LRTM3: variants seen among roughly 807,000 people sequenced by gnomAD.
LRTM3 encodes leucine rich repeat transmembrane protein 3.
chr13:102,755,840 AAT>A, the LRTM3 span, among the ~76,000 whole-genome samples: 20 of 150,990 alleles, frequency 1.3e-4, no homozygotes, highest in African/African-American at 2.4e-4. Flanking sequence ...AAAATAAAAA[AAT>A]ACTATGTTCA....
chr13:102,734,024 G>C, the LRTM3 span: 1 of 1,551,428 alleles, frequency 6.4e-7, no homozygotes, highest in Non-Finnish European at 8.7e-7. Flanking sequence ...AGGAGGTGCT[G>C]ACGGTATAGA....
chr13:102,748,835 G>C, the LRTM3 span: 6 of 1,550,320 alleles, frequency 3.9e-6, no homozygotes, highest in Non-Finnish European at 5.2e-6. Flanking sequence ...TAACATTTTT[G>C]GTGAAATGTT....
At chr13:102,743,170 A>G in the LRTM3 span, 6 of 1,550,440 alleles carry the variant, frequency 3.9e-6, no homozygotes, top group South Asian at 2.4e-5. Flanking sequence ...CACTTTCTCT[A>G]TCATGTAGTT....
At chr13:102,731,812 C>G in the LRTM3 span, 13 of 1,549,928 alleles carry the variant, frequency 8.4e-6, no homozygotes, top group Non-Finnish European at 1.1e-5. Flanking sequence ...CTGGTTCACT[C>G]TGATCCCTTT....
At chr13:102,729,803 G>T in the LRTM3 span, 5 of 1,551,810 alleles carry the variant, frequency 3.2e-6, no homozygotes, top group Non-Finnish European at 4.4e-6. Flanking sequence ...TTTGCTGTGT[G>T]TACAACTGTA....
At chr13:102,740,484 G>A in the LRTM3 span, 5 of 1,549,894 alleles carry the variant, frequency 3.2e-6, no homozygotes, top group South Asian at 6.0e-5. Context: ...CAAGATATAT[G>A]CTCCCAAAAG....
chr13:102,731,334 T>C, the LRTM3 span: 1 of 1,551,446 alleles, frequency 6.4e-7, no homozygotes, highest in Non-Finnish European at 8.7e-7. Flanking sequence ...CTCCAACTGT[T>C]ATCTTTTGAA....
the LRTM3 span, chr13:102,746,340 A>G: frequency 1.9e-6 from 3 of 1,550,754 alleles, no homozygotes; most frequent in South Asian, 3.6e-5. Context: ...CTGTCATGGG[A>G]TATGCTATTC....
chr13:102,740,389 C>G, the LRTM3 span: 1 of 1,550,146 alleles, frequency 6.5e-7, no homozygotes, highest in East Asian at 2.4e-5. Context: ...GTCCTGGTGT[C>G]CGGCTTGATA....
chr13:102,737,738 C>T, the LRTM3 span: 13 of 1,550,788 alleles, frequency 8.4e-6, no homozygotes, highest in African/African-American at 1.8e-4. Context: ...ATCACCCTCA[C>T]TGGGCACCCC....
the LRTM3 span, chr13:102,742,390 G>A: frequency 1.9e-6 from 3 of 1,546,482 alleles, no homozygotes; most frequent in South Asian, 2.4e-5. Context: ...GATAACTCCA[G>A]ATAGTTCCTG....
chr13:102,747,333 T>C, the LRTM3 span: 1 of 1,550,306 alleles, frequency 6.5e-7, no homozygotes, highest in Non-Finnish European at 8.7e-7. Flanking sequence ...TTAATTATAA[T>C]TTCAAAATTG....
At chr13:102,742,913 C>T in the LRTM3 span, 3 of 1,550,482 alleles carry the variant, frequency 1.9e-6, no homozygotes, top group Non-Finnish European at 1.7e-6. Context: ...CAGTTCTGCA[C>T]AATTATCTGA....
chr13:102,747,937 C>CAGAGCAAA, the LRTM3 span: 1 of 1,551,134 alleles, frequency 6.4e-7, no homozygotes, highest in African/African-American at 1.4e-5. Context: ...AGCCTTGTGT[C>CAGAGCAAA]AGCTCTGAAT....
chr13:102,741,160 C>T, the LRTM3 span: 13 of 1,548,976 alleles, frequency 8.4e-6, no homozygotes, highest in African/African-American at 1.1e-4. Context: ...TACTTAGATG[C>T]TTCATCCTCA....
At chr13:102,742,103 A>G in the LRTM3 span, 1 of 1,550,380 alleles carries the variant, frequency 6.5e-7, no homozygotes, top group Non-Finnish European at 8.7e-7. Context: ...TACTTCTGTA[A>G]GCTTTTTAAT....
chr13:102,743,666 G>A, the LRTM3 span: 3 of 1,549,956 alleles, frequency 1.9e-6, no homozygotes, highest in South Asian at 1.2e-5. Flanking sequence ...CTCTTCCTCT[G>A]TAATATGACC....
At chr13:102,729,551 G>T in the LRTM3 span, 1 of 1,515,276 alleles carries the variant, frequency 6.6e-7, no homozygotes, top group Non-Finnish European at 8.8e-7. Context: ...TGCCACTAGG[G>T]GAATTCTGAA....
At chr13:102,757,175 C>A in the LRTM3 span, among the ~76,000 whole-genome samples, 1 of 152,184 alleles carries the variant, frequency 6.6e-6, no homozygotes, top group South Asian at 2.1e-4. Context: ...CTGTTTCCAA[C>A]TGGCCCTCAC....
Sources: allele counts gnomAD v4.1 joint callset (sites outside exome capture counted in the v4.1 genomes callset), GRCh38; gene constraint gnomAD v4.1.1; transcripts MANE v1.5; gene names NCBI Gene and HGNC (gene_info 2026-07-23, HGNC 2026-07-21).